The following SPTBN1 variants were observed in gnomAD, a reference collection of about 807,000 sequenced individuals.
The protein encoded by SPTBN1 is spectrin beta, non-erythrocytic 1.
SPTBN1 carries 32 observed loss-of-function variants against 266.4 expected under a neutral mutation model. That is an observed-to-expected ratio of 0.12 (90% CI 0.09 to 0.16). The LOEUF (loss-of-function observed/expected upper bound fraction) is 0.16, where lower values mean the gene tolerates loss of function less well. Ranked by LOEUF, SPTBN1 falls within the 10% of genes least tolerant of loss-of-function variation. The pLI is 1.00. For missense variants in SPTBN1, 2,296 were observed against 3,067.1 expected (o/e 0.75, Z 5.94); for synonymous variants, 1,336 against 1,162.2 (o/e 1.15, Z -3.04).
chr2:54,559,029 C>T, intron 2 of SPTBN1: 1 of 919,478 alleles, frequency 1.1e-6, no homozygotes, highest in South Asian at 1.9e-5. Flanking sequence ...CCATTCACGA[C>T]TTAGGGAAGG....
chr2:54,668,079 T>C lies in SPTBN1; in HGVS notation c.6877-272T>C, dbSNP rs573419764. Among the ~76,000 whole-genome samples the C allele has an allele frequency of 5.3e-5, 8 of 152,348 alleles. No individual in the cohort carries two copies. The East Asian group carries it at 1.5e-3, about 29-fold the overall frequency. On this transcript the variant is annotated intron_variant, in intron 35 of 35. Coordinates refer to ENST00000356805, the MANE Select transcript of SPTBN1 (RefSeq NM_003128.3). ...TGAAAAAGCACCTTCTAGGGTGGGA[T>C]CTGACCACCTCACAGATTGAGACTG...
chr2:54,472,523 C>G (rs946489088), intron 1 of SPTBN1, among the ~76,000 whole-genome samples: 5 of 152,028 alleles, frequency 3.3e-5, no homozygotes, highest in Admixed American at 2.0e-4. Context: ...GTACTTAGTT[C>G]TTGTTTGTAA....
chr2:54,511,282 TC>T (rs777966482), intron 1 of SPTBN1, among the ~76,000 whole-genome samples: 1 of 152,364 alleles, frequency 6.6e-6, no homozygotes, highest in Non-Finnish European at 1.5e-5. Context: ...GATATTGAGT[TC>T]CTTTGAAAAT....
Position 54,654,404 on chromosome 2 carries a change from G to A in SPTBN1, c.5822+551G>A, listed in dbSNP as rs564927796. On this transcript the variant is annotated intron_variant, in intron 27 of 35. Coordinates refer to ENST00000356805, the MANE Select transcript of SPTBN1 (RefSeq NM_003128.3). ...GCAAATTAGTGAAGAGAAGTTAATA[G>A]AGGAACACACAGGTACATATTTAAC... Among the ~76,000 whole-genome samples, 3 of 152,276 alleles carry A rather than the reference G, an allele frequency of 2.0e-5. No individual in the cohort carries two copies. The South Asian group carries it at 6.2e-4, about 32-fold the overall frequency.
rs376550129 is a variant in SPTBN1 at position 54,623,564 on chromosome 2, C to T, written c.1150C>T (p.Arg384Trp). 41 of 1,613,930 alleles carry T rather than the reference C, an allele frequency of 2.5e-5. No homozygotes were observed. Among genetic ancestry groups the T allele is most frequent in the South Asian group, 1.4e-4 (13 of 91,056 alleles). Residue 384 changes from arginine (R) to tryptophan (W), a missense_variant, in exon 10 of 36, where the codon CGG (arginine) becomes TGG (tryptophan). Transcript: ENST00000356805. ...RANNQKVYMP[R>W]EGKLISDINK... ...CAACAACCAGAAGGTCTACATGCCCCGGGAGGGGAAGCTCATCTCTGACAT... is the reference window on the plus strand; with the variant it reads ...CAACAACCAGAAGGTCTACATGCCCTGGGAGGGGAAGCTCATCTCTGACAT...
intron 2 of SPTBN1, among the ~76,000 whole-genome samples, chr2:54,593,433 C>G (rs992304807): frequency 5.3e-5 from 8 of 152,108 alleles, no homozygotes; most frequent in East Asian, 1.9e-4. Flanking sequence ...TTGTTTTCCA[C>G]TTTCCTCCCT....
At chr2:54,660,249 G>A in intron 32 of SPTBN1, 1 of 1,361,018 alleles carries the variant, frequency 7.3e-7, no homozygotes. Context: ...TTAACTGATG[G>A]ATGCCCACTT....
At position 54,670,921 on chromosome 2, in the gene SPTBN1, T is replaced by A. The variant is rs576378343; in HGVS notation, c.*2352T>A. 1 of 398,056 alleles carries A rather than the reference T, an allele frequency of 2.5e-6. No individual in the cohort carries two copies. Among genetic ancestry groups the A allele is most frequent in the Non-Finnish European group, 4.4e-6 (1 of 226,006 alleles). The allele number at this position is 398,056 out of a possible 1,614,324, so 24.7% of individuals were successfully genotyped here. On this transcript the variant is annotated 3_prime_UTR_variant, in exon 36 of 36. Transcript: ENST00000356805. ...TTACAGGCCGCACAGCCTGATGAGCTTCAAGCCTGGCAGGGTAAATAGTTT... is the reference window on the plus strand; with the variant it reads ...TTACAGGCCGCACAGCCTGATGAGCATCAAGCCTGGCAGGGTAAATAGTTT...
chr2:54,600,851 A>G (rs912571962), intron 3 of SPTBN1, among the ~76,000 whole-genome samples: 4 of 151,270 alleles, frequency 2.6e-5, no homozygotes, highest in Admixed American at 6.6e-5. Flanking sequence ...TTTTGTTCCA[A>G]TAGGGTCCAA....
At chr2:54,501,106 C>G (rs1456603515) in intron 1 of SPTBN1, among the ~76,000 whole-genome samples, 1 of 152,142 alleles carries the variant, frequency 6.6e-6, no homozygotes, top group East Asian at 1.9e-4. Flanking sequence ...TCTCGGGGCT[C>G]GTGGACTGTC....
intron 7 of SPTBN1, among the ~76,000 whole-genome samples, chr2:54,619,094 A>G (rs1350562623): frequency 6.6e-6 from 1 of 152,262 alleles, no homozygotes; most frequent in African/African-American, 2.4e-5. Flanking sequence ...TAGAGAGGAA[A>G]AAAACTGTGT....
intron 3 of SPTBN1, among the ~76,000 whole-genome samples, chr2:54,609,218 T>C (rs1254501753): frequency 6.6e-6 from 1 of 152,260 alleles, no homozygotes; most frequent in African/African-American, 2.4e-5. Flanking sequence ...ATTTGTCATC[T>C]TTTTGGAGAC....
chr2:54,461,614 C>T (rs1038335658), intron 1 of SPTBN1, among the ~76,000 whole-genome samples: 2 of 152,208 alleles, frequency 1.3e-5, no homozygotes, highest in Non-Finnish European at 2.9e-5. Flanking sequence ...CTTCACATAC[C>T]AGGCTTGAAA....
At chr2:54,456,956 C>T (rs1437265913) in intron 1 of SPTBN1, among the ~76,000 whole-genome samples, 1 of 144,110 alleles carries the variant, frequency 6.9e-6, no homozygotes, top group Non-Finnish European at 1.6e-5. Flanking sequence ...GCCGGAGGGT[C>T]TATTTTCAGG....
chr2:54,604,559 C>T (rs1396829420), intron 3 of SPTBN1, among the ~76,000 whole-genome samples: 1 of 152,068 alleles, frequency 6.6e-6, no homozygotes, highest in Non-Finnish European at 1.5e-5. Context: ...TTGGTCCATG[C>T]GAAGGAATTG....
chr2:54,569,809 C>G (rs928834058), intron 2 of SPTBN1, among the ~76,000 whole-genome samples: 3 of 152,180 alleles, frequency 2.0e-5, no homozygotes. Flanking sequence ...AGGATTATTA[C>G]AGATCCTAGT....
chr2:54,566,312 C>T (rs772578961), intron 2 of SPTBN1, among the ~76,000 whole-genome samples: 27 of 151,496 alleles, frequency 1.8e-4, no homozygotes, highest in Non-Finnish European at 2.8e-4. Flanking sequence ...CTCAGCCTCC[C>T]GAGTAGCTGG....
At chr2:54,662,337 A>G (rs1241517610) in intron 32 of SPTBN1, 2 of 983,822 alleles carry the variant, frequency 2.0e-6, no homozygotes, top group East Asian at 2.3e-4. Context: ...TTAGTGATTC[A>G]TTTGCATAAA....
chr2:54,512,336 A>AT (rs1669902968), intron 1 of SPTBN1, among the ~76,000 whole-genome samples: 1 of 152,150 alleles, frequency 6.6e-6, no homozygotes, highest in African/African-American at 2.4e-5. Context: ...AAGGTTATGG[A>AT]TTTCTAAGTA....
Sources: allele counts gnomAD v4.1 joint callset (sites outside exome capture counted in the v4.1 genomes callset), GRCh38; gene constraint gnomAD v4.1.1; transcripts MANE v1.5; gene names NCBI Gene and HGNC (gene_info 2026-07-23, HGNC 2026-07-21).